The following TF variants were observed in gnomAD, a reference collection of about 807,000 sequenced individuals.
The protein encoded by TF is serotransferrin.
A neutral mutation model predicts 82.4 loss-of-function variants in TF; 55 were observed. The ratio of observed to expected loss-of-function variants is 0.67; its 90% CI spans 0.54 to 0.84. The LOEUF is 0.84. TF is among the 40% of genes least tolerant of loss of function. The pLI is 0.00. For synonymous variants in TF, 332 were observed against 332.6 expected (o/e 1.00, Z 0.02); for missense variants, 737 against 868.4 (o/e 0.85, Z 1.90).
chr3:133,718,950 G>A, the TF span, among the ~76,000 whole-genome samples: 2 of 152,214 alleles, frequency 1.3e-5, no homozygotes, highest in Non-Finnish European at 2.9e-5. Flanking sequence ...GTGAATGGGA[G>A]TGATTGATCC....
intron 3 of TF, 136 bp downstream of exon 3, chr3:133,753,839 C>G: frequency 1.3e-6 from 1 of 780,092 alleles, no homozygotes; most frequent in Non-Finnish European, 2.2e-6. Context: ...AATGAGGGGC[C>G]CTGTCAGCTG....
rs9844205 is a variant in TF at position 133,782,685 on chromosome 3, G to A, written c.*4065G>A. 0.16 allele frequency: 24,764 copies of A among 151,742 alleles called. 2,336 individuals carry two copies. The highest frequency in any genetic ancestry group is 0.2 in the Non-Finnish European group (13,878 of 68,060). 9.4% of individuals were successfully genotyped at this position (151,742 alleles called of 1,614,324 possible). ...GCAGCAGATAGGAGGGCTAGGCGCA[G>A]TGGCTCACTCCTGTAATCCCAGGAC... On this transcript the variant is annotated 3_prime_UTR_variant, in exon 17 of 17. Transcript: ENST00000402696.
the TF span, among the ~76,000 whole-genome samples, chr3:133,700,547 G>A: frequency 0.018 from 2,775 of 152,292 alleles, 41 homozygotes; most frequent in Middle Eastern, 0.041. Flanking sequence ...GATGGAGACC[G>A]CCACGGGTGC....
At chr3:133,753,184 G>A (rs1933724686) in intron 2 of TF, among the ~76,000 whole-genome samples, 1 of 152,194 alleles carries the variant, frequency 6.6e-6, no homozygotes, top group Admixed American at 6.5e-5. Flanking sequence ...GCCAGCCCAA[G>A]AGAGCTGTGT....
Position 133,778,698 on chromosome 3 carries a change from C to A in TF, c.*78C>A. The A allele has an allele frequency of 6.5e-7, 1 of 1,531,064 alleles. No individual in the cohort carries two copies. Among genetic ancestry groups the A allele is most frequent in the South Asian group, 1.1e-5 (1 of 87,774 alleles). The allele number at this position is 1,531,064 out of a possible 1,614,324, so 94.8% of individuals were successfully genotyped here. On this transcript the variant is annotated 3_prime_UTR_variant, in exon 17 of 17. Transcript: ENST00000402696. ...ATGAGTTTGCCCTGGTTTCACTGGC[C>A]CAAGTGGTTTGTGCTAACCACGTCT... is the stretch of plus-strand genomic sequence containing the variant.
At chr3:133,750,340 C>T (rs1933625151) in intron 2 of TF, among the ~76,000 whole-genome samples, 1 of 152,078 alleles carries the variant, frequency 6.6e-6, no homozygotes, top group African/African-American at 2.4e-5. Flanking sequence ...ACAGATGTGT[C>T]AAGTGTGGGA....
At chr3:133,776,959 C>T (rs1186302653) in intron 15 of TF, 90 bp from the exon 16 acceptor site, 3 of 1,209,456 alleles carry the variant, frequency 2.5e-6, no homozygotes, top group African/African-American at 3.0e-5. Context: ...TTCCCCAGGG[C>T]TGGTTCAGAG....
At chr3:133,746,147 C>T, upstream of TF, 1 of 515,268 alleles carries the variant, frequency 1.9e-6, no homozygotes, top group Non-Finnish European at 3.5e-6. Flanking sequence ...ACCGAGCGAG[C>T]CGCGATGACA....
At chr3:133,745,705 T>A, upstream of TF, among the ~76,000 whole-genome samples, 1 of 152,160 alleles carries the variant, frequency 6.6e-6, no homozygotes, top group East Asian at 1.9e-4. Flanking sequence ...AACCTTCTTG[T>A]TGGAGGGAGT....
At chr3:133,757,133 CAT>C in intron 7 of TF, 124 bp downstream of exon 7, 1 of 1,294,332 alleles carries the variant, frequency 7.7e-7, no homozygotes, top group Non-Finnish European at 1.1e-6. Context: ...AGCCATGCCA[CAT>C]GTCACTAAGT....
chr3:133,667,247 A>G, the TF span, among the ~76,000 whole-genome samples: 3 of 151,750 alleles, frequency 2.0e-5, no homozygotes, highest in Non-Finnish European at 4.4e-5. Flanking sequence ...AGTCCCAGGT[A>G]CTGGGAGGCT....
the TF span, among the ~76,000 whole-genome samples, chr3:133,714,246 G>A: frequency 1.6e-4 from 24 of 152,318 alleles, no homozygotes; most frequent in Admixed American, 1.2e-3. Context: ...CTGTTGGCCT[G>A]GCTAAAGACG....
At chr3:133,743,065 G>A (rs1933424029), upstream of TF, among the ~76,000 whole-genome samples, 1 of 152,030 alleles carries the variant, frequency 6.6e-6, no homozygotes, top group Admixed American at 6.6e-5. Context: ...ATAAAGAGAA[G>A]GTCAATATCA....
At chr3:133,683,609 C>G in the TF span, among the ~76,000 whole-genome samples, 5 of 152,182 alleles carry the variant, frequency 3.3e-5, no homozygotes, top group Non-Finnish European at 7.4e-5. Flanking sequence ...CAAAGAAGGC[C>G]GTTACATAAT....
chr3:133,695,670 C>T, the TF span, among the ~76,000 whole-genome samples: 10 of 152,168 alleles, frequency 6.6e-5, no homozygotes, highest in Non-Finnish European at 1.5e-4. Context: ...TCTATGTAAG[C>T]ATTTCTTTTA....
At chr3:133,757,392 A>G (rs1933866103) in intron 7 of TF, among the ~76,000 whole-genome samples, 1 of 152,144 alleles carries the variant, frequency 6.6e-6, no homozygotes, top group African/African-American at 2.4e-5. Context: ...CTGCCTGCAC[A>G]GCGGCTTTAC....
At chr3:133,701,999 G>A in the TF span, 1 of 153,326 alleles carries the variant, frequency 6.5e-6, no homozygotes, top group Non-Finnish European at 1.5e-5. Context: ...GGCCAAGTGT[G>A]ATGAGTGGAG....
At chr3:133,770,782 T>C in intron 14 of TF, 1 of 618,454 alleles carries the variant, frequency 1.6e-6, no homozygotes, top group Non-Finnish European at 2.9e-6. Context: ...CCCTAAATCC[T>C]CCCCAACACA....
chr3:133,764,054 A>G, intron 9 of TF, 128 bp from the exon 10 acceptor site: 1 of 778,590 alleles, frequency 1.3e-6, no homozygotes, highest in South Asian at 1.4e-5. Flanking sequence ...TTGGGGGTTC[A>G]GTATCAGCAT....
Sources: allele counts gnomAD v4.1 joint callset (sites outside exome capture counted in the v4.1 genomes callset), GRCh38; gene constraint gnomAD v4.1.1; transcripts MANE v1.5; gene names NCBI Gene and HGNC (gene_info 2026-07-23, HGNC 2026-07-21).